The following SGSM1 variants were observed in gnomAD, a reference collection of about 807,000 sequenced individuals.
SGSM1 encodes RUN and TBC1 domain containing 2.
In SGSM1, 73 loss-of-function variants were observed where a neutral mutation model predicts 133.8. That is an observed-to-expected ratio of 0.55 (90% CI 0.45 to 0.66). SGSM1 has a LOEUF of 0.66. Among genes scored for constraint, SGSM1 ranks in the 30% least tolerant of loss-of-function variants. The probability of loss-of-function intolerance (pLI) is 0.00; values close to 1 mark genes in which losing one functional copy is unlikely to be tolerated. For synonymous variants in SGSM1, 563 were observed against 573.0 expected (o/e 0.98, Z 0.25); for missense variants, 1,213 against 1,448.1 (o/e 0.84, Z 2.64).
At chr22:24,858,736 C>G (rs756904674) in intron 8 of SGSM1, among the ~76,000 whole-genome samples, 2 of 152,082 alleles carry the variant, frequency 1.3e-5, no homozygotes, top group Admixed American at 6.5e-5. Flanking sequence ...CACAGGCACT[C>G]TACCGCTCTG....
Position 24,829,467 on chromosome 22 carries a change from C to T in SGSM1, c.64-15430C>T, listed in dbSNP as rs866932600. 3.3e-5 allele frequency among the ~76,000 whole-genome samples: 5 copies of T among 152,286 alleles called. 1 individual carries two copies. Among genetic ancestry groups the T allele is most frequent in the Admixed American group, 2.0e-4 (3 of 15,294 alleles). On this transcript the variant is annotated intron_variant, in intron 2 of 24. Transcript: ENST00000400358. The stretch of plus-strand genomic sequence containing the variant: ...GATGAAATAATCTGTACAACAAACT[C>T]ACGTGACATGAGTTTACCTATATAA...
At chr22:24,849,277 G>C (rs1601919297) in intron 4 of SGSM1, among the ~76,000 whole-genome samples, 1 of 151,598 alleles carries the variant, frequency 6.6e-6, no homozygotes, top group Non-Finnish European at 1.5e-5. Context: ...GTTGCGGCCA[G>C]GTGCGGTGGC....
intron 2 of SGSM1, among the ~76,000 whole-genome samples, chr22:24,827,600 A>T (rs745796872): frequency 1.3e-4 from 20 of 152,052 alleles, no homozygotes; most frequent in Non-Finnish European, 7.4e-5. Flanking sequence ...CCTGATGCCC[A>T]TGAGCACCTC....
rs1266458885 is a variant in SGSM1, at chr22:24,898,577, T to G, written c.2610+18T>G. On this transcript the variant is annotated intron_variant, in intron 19 of 24. Coordinates refer to ENST00000400358, the MANE Select transcript of SGSM1 (RefSeq NM_001098497.3). ...CCTACTCTGTAAGTCACCAGGACCC[T>G]CCGTTCCATTTCCTTCTTTCCAGCT... 1 of 1,567,530 alleles carries G rather than the reference T, an allele frequency of 6.4e-7. No individual in the cohort carries two copies. Among genetic ancestry groups the G allele is most frequent in the South Asian group, 1.2e-5 (1 of 84,254 alleles).
Position 24,855,421 on chromosome 22 carries a change from T to A in SGSM1, c.660T>A (p.Pro220=). The A allele has an allele frequency of 6.2e-7, 1 of 1,613,530 alleles. No homozygotes were observed. The highest frequency in any genetic ancestry group is 8.5e-7 in the Non-Finnish European group (1 of 1,179,808). Residue 220 remains proline (P), a synonymous_variant, in exon 7 of 25, where the codon CCT becomes CCA. Coordinates refer to ENST00000400358, the MANE Select transcript of SGSM1 (RefSeq NM_001098497.3). Reference sequence around the variant, plus strand: ...GGCAGGACTCGCCCACCAAGCGTCCTGCCCTCTGTGTGAGTGGGGTGGACA... The same window carrying A: ...GGCAGGACTCGCCCACCAAGCGTCCAGCCCTCTGTGTGAGTGGGGTGGACA... ...HVRQDSPTKR[P]ALCIQKRHSS...
chr22:24,850,246 G>A (rs568961140), intron 4 of SGSM1, 34 bp from the exon 5 acceptor site: 2 of 1,551,706 alleles, frequency 1.3e-6, no homozygotes, highest in Non-Finnish European at 1.7e-6. Context: ...TTGCTCTTGT[G>A]AGTATCTATT....
rs749881193 is a variant in SGSM1, at chr22:24,901,874, C to T, written c.2652C>T (p.Ile884=). ...LDLYTVNLHR[I]EKDVQRCDRN... is the part of the protein sequence containing the mutation. Reference sequence around the variant, plus strand: ...TGTACACGGTGAACCTGCACCGCATCGAGAAGGATGTGCAGAGGTGCGACC... The same window carrying T: ...TGTACACGGTGAACCTGCACCGCATTGAGAAGGATGTGCAGAGGTGCGACC... The change falls in exon 20 of 25, where the codon ATC becomes ATT. Residue 884 remains isoleucine (I), a synonymous_variant. Transcript: ENST00000400358. 8 of 1,611,870 alleles carry T rather than the reference C, an allele frequency of 5.0e-6. No homozygotes were observed. Among genetic ancestry groups the T allele is most frequent in the Middle Eastern group, 1.6e-4 (1 of 6,082 alleles).
intron 2 of SGSM1, among the ~76,000 whole-genome samples, chr22:24,818,425 T>C (rs1289526540): frequency 3.3e-5 from 5 of 151,330 alleles, no homozygotes; most frequent in African/African-American, 2.4e-5. Flanking sequence ...TGGAGTGCAG[T>C]GGTGCGATCT....
intron 2 of SGSM1, among the ~76,000 whole-genome samples, chr22:24,819,329 T>C (rs185793759): frequency 3.4e-4 from 52 of 152,264 alleles, no homozygotes; most frequent in East Asian, 3.3e-3. Context: ...ACACTAGCCA[T>C]ATTTCAAGCG....
intron 2 of SGSM1, among the ~76,000 whole-genome samples, chr22:24,839,792 CTT>C (rs1929677483): frequency 6.6e-6 from 1 of 151,998 alleles, no homozygotes; most frequent in African/African-American, 2.4e-5. Flanking sequence ...ATAGTATTCT[CTT>C]ATAATGGTTT....
chr22:24,895,182 G>A, intron 17 of SGSM1, 41 bp from the exon 18 acceptor site: 12 of 1,572,854 alleles, frequency 7.6e-6, no homozygotes, highest in Non-Finnish European at 1.0e-5. Context: ...GGGCCAGGGT[G>A]CAGCCTCACC....
chr22:24,882,260 T>TGGTCTCACTA (rs1388849734), intron 14 of SGSM1, among the ~76,000 whole-genome samples: 1 of 151,944 alleles, frequency 6.6e-6, no homozygotes, highest in Admixed American at 6.6e-5. Flanking sequence ...TGTAGAGATG[T>TGGTCTCACTA]GGTCTCACTA....
intron 22 of SGSM1, among the ~76,000 whole-genome samples, chr22:24,917,148 C>G (rs550950153): frequency 6.6e-6 from 1 of 150,770 alleles, no homozygotes; most frequent in Non-Finnish European, 1.5e-5. Flanking sequence ...TTGCCTTGGC[C>G]TCGCAAAGTG....
At chr22:24,819,956 C>T (rs1928366242) in intron 2 of SGSM1, among the ~76,000 whole-genome samples, 1 of 152,142 alleles carries the variant, frequency 6.6e-6, no homozygotes, top group South Asian at 2.1e-4. Context: ...CTTGGGTGGG[C>T]TCCAAGTCTT....
In SGSM1 at chr22:24,898,316, C is replaced by T. The variant is rs370131092; in HGVS notation, c.2367C>T (p.Asn789=). 4.0e-5 allele frequency: 64 copies of T among 1,613,840 alleles called. No individual in the cohort carries two copies. Among genetic ancestry groups the T allele is most frequent in the African/African-American group, 8.0e-5 (6 of 74,908 alleles). ...GCCTGGAGAGTGACCTCCTGGCCAA[C>T]GAGAGCATGGACGAGTTCATGTCCA... ...QDSLESDLLA[N]ESMDEFMSIT... Residue 789 remains asparagine, a synonymous_variant, in exon 19 of 25, where the codon AAC becomes AAT. Transcript: ENST00000400358.
intron 3 of SGSM1, among the ~76,000 whole-genome samples, chr22:24,845,958 TTTCTTTC>T (rs1013573267): frequency 1.3e-4 from 12 of 94,792 alleles, no homozygotes; most frequent in African/African-American, 1.7e-4. Context: ...TCTTTCTTTC[TTTCTTTC>T]TTTCTTTCTT....
chr22:24,898,554 T>A lies in SGSM1; in HGVS notation c.2605T>A (p.Tyr869Asn), dbSNP rs964689895. 5.0e-6 allele frequency: 8 copies of A among 1,600,760 alleles called. No homozygotes were observed. The highest frequency in any genetic ancestry group is 6.8e-6 in the Non-Finnish European group (8 of 1,172,994). The change falls in exon 19 of 25, where the codon TAC becomes AAC. Residue 869 changes from tyrosine to asparagine, a missense_variant. By Grantham distance (143) the Tyr-to-Asn change is moderately radical. Coordinates refer to ENST00000400358, the MANE Select transcript of SGSM1 (RefSeq NM_001098497.3). Reference protein sequence around the residue: ...VSPVSSSGVTYSPELLDLYTV... With the variant: ...VSPVSSSGVTNSPELLDLYTV... ...CCCTGTGTCTTCCAGCGGCGTCACC[T>A]ACTCTGTAAGTCACCAGGACCCTCC...
Position 24,855,537 on chromosome 22 carries a change from A to C in SGSM1, c.670-12A>C, listed in dbSNP as rs150456163. On this transcript the variant is annotated splice_polypyrimidine_tract_variant and intron_variant, in intron 7 of 24. Transcript: ENST00000400358. ...AGGCCTCATCCCTCTGTCTCCCGTC[A>C]CTCTCTACCAGATCCAGAAGAGGCA... The C allele has an allele frequency of 9.9e-4, 1,599 of 1,613,464 alleles. 18 individuals are homozygous for C. The African/African-American group carries it at 0.019, about 19-fold the overall frequency.
At chr22:24,857,876 C>T (rs1436382210) in intron 8 of SGSM1, among the ~76,000 whole-genome samples, 1 of 152,196 alleles carries the variant, frequency 6.6e-6, no homozygotes, top group Non-Finnish European at 1.5e-5. Context: ...AACAATATTT[C>T]CTATTTGTCC....
Sources: gnomAD v4.1 joint callset for allele counts (sites outside exome capture counted in the v4.1 genomes callset) on GRCh38, gnomAD v4.1.1 for gene constraint, MANE v1.5 for transcripts, NCBI Gene and HGNC (gene_info 2026-07-23, HGNC 2026-07-21) for gene names.